The following GPHN variants were observed in gnomAD, a reference collection of about 807,000 sequenced individuals.
The protein encoded by GPHN is gephyrin.
In GPHN, 17 loss-of-function variants were observed where a neutral mutation model predicts 95.5. The observed-to-expected ratio is 0.18, with a 90% CI of 0.12 to 0.27. The LOEUF is 0.27. GPHN is among the 10% of genes least tolerant of loss of function. The pLI is 1.00. For synonymous variants in GPHN, 320 were observed against 322.5 expected, an observed-to-expected ratio of 0.99 and a Z score of 0.08; for missense variants, 660 against 978.1, an observed-to-expected ratio of 0.67 and a Z score of 4.34.
Position 66,795,386 on chromosome 14 carries a change from T to A in GPHN, c.201+18865T>A, listed in dbSNP as rs1318826822. ...TTTACTTCTTTCCTGAAACTTGTTTTGCACTCACTGTATTTAGACAGTTTT... is the reference window on the plus strand; with the variant it reads ...TTTACTTCTTTCCTGAAACTTGTTTAGCACTCACTGTATTTAGACAGTTTT... On this transcript the variant is annotated intron_variant, in intron 3 of 22. Transcript: ENST00000478722. Among the ~76,000 whole-genome samples, 4 of 152,288 alleles carry A rather than the reference T, an allele frequency of 2.6e-5. No homozygotes were observed. The East Asian group carries it at 7.7e-4, about 29-fold the overall frequency.
At chr14:67,655,928 A>G in the GPHN span, among the ~76,000 whole-genome samples, 2 of 152,136 alleles carry the variant, frequency 1.3e-5, no homozygotes. Flanking sequence ...TCTAAGGGAC[A>G]TCTCTCAGCC....
chr14:66,969,794 C>T (rs1470422685), intron 9 of GPHN: 2 of 146,834 alleles, frequency 1.4e-5, no homozygotes, highest in Non-Finnish European at 3.0e-5. Flanking sequence ...GAACAAAACT[C>T]TCTCTCCAGG....
chr14:67,452,730 C>T, the GPHN span, among the ~76,000 whole-genome samples: 1 of 152,196 alleles, frequency 6.6e-6, no homozygotes. Flanking sequence ...GTTAATTTCT[C>T]TCTCTGTGCC....
intron 16 of GPHN, among the ~76,000 whole-genome samples, chr14:67,114,609 G>A (rs565704646): frequency 1.3e-5 from 2 of 152,276 alleles, no homozygotes; most frequent in East Asian, 3.9e-4. Context: ...AGGATCACTT[G>A]AGCTCAAGAA....
intron 1 of GPHN, among the ~76,000 whole-genome samples, chr14:66,554,707 C>T (rs956764493): frequency 2.6e-5 from 4 of 152,194 alleles, no homozygotes; most frequent in East Asian, 1.9e-4. Flanking sequence ...TAAACCATAT[C>T]AGCTGTCAAT....
intron 4 of GPHN, among the ~76,000 whole-genome samples, chr14:66,868,577 A>G (rs2063316683): frequency 6.6e-6 from 1 of 152,108 alleles, no homozygotes; most frequent in African/African-American, 2.4e-5. Flanking sequence ...TATTTTTAGT[A>G]GAGACAGGGT....
intron 2 of GPHN, among the ~76,000 whole-genome samples, chr14:66,701,255 CTCT>C (rs2068526046): frequency 7.6e-6 from 1 of 130,816 alleles, no homozygotes; most frequent in South Asian, 2.4e-4. Context: ...GTGCATATTT[CTCT>C]TTTTTTTACA....
chr14:67,437,272 A>C, the GPHN span, among the ~76,000 whole-genome samples: 9 of 152,188 alleles, frequency 5.9e-5, no homozygotes, highest in Non-Finnish European at 1.5e-5. Flanking sequence ...GGAGGCAAAA[A>C]ATAAACAAGT....
chr14:66,576,904 A>G (rs1439518980), intron 1 of GPHN, among the ~76,000 whole-genome samples: 1 of 152,172 alleles, frequency 6.6e-6, no homozygotes, highest in Non-Finnish European at 1.5e-5. Context: ...ACATTATTCA[A>G]TTTGTTCCCC....
intron 16 of GPHN, among the ~76,000 whole-genome samples, chr14:67,114,582 G>A (rs904679619): frequency 6.6e-6 from 1 of 152,092 alleles, no homozygotes; most frequent in Admixed American, 6.5e-5. Context: ...CCTAGCTACT[G>A]AGGAGGCTGA....
intron 1 of GPHN, among the ~76,000 whole-genome samples, chr14:66,627,024 A>G (rs1191721946): frequency 3.3e-5 from 5 of 152,044 alleles, no homozygotes; most frequent in East Asian, 1.9e-4. Context: ...ATAATTGACT[A>G]TAGATCTTTT....
At chr14:67,595,032 GA>G in the GPHN span, among the ~76,000 whole-genome samples, 2 of 152,088 alleles carry the variant, frequency 1.3e-5, no homozygotes, top group Admixed American at 6.5e-5. Context: ...AGCTACTCGG[GA>G]GGCTGAGGCA....
chr14:67,331,112 TTGGTTCAC>T, the GPHN span, among the ~76,000 whole-genome samples: 1 of 152,202 alleles, frequency 6.6e-6, no homozygotes, highest in African/African-American at 2.4e-5. Flanking sequence ...TGGCACAATC[TTGGTTCAC>T]TGCAACCTCT....
chr14:66,626,793 A>G (rs1263943539), intron 1 of GPHN, among the ~76,000 whole-genome samples: 1 of 152,084 alleles, frequency 6.6e-6, no homozygotes, highest in Admixed American at 6.5e-5. Flanking sequence ...AATTTGAGGT[A>G]CTTGTAACTG....
At chr14:67,019,304 T>G (rs1315874728) in intron 9 of GPHN, among the ~76,000 whole-genome samples, 4 of 152,212 alleles carry the variant, frequency 2.6e-5, no homozygotes, top group Non-Finnish European at 5.9e-5. Flanking sequence ...AAACAGAAAC[T>G]TAATTTCTAA....
At chr14:67,557,526 C>A in the GPHN span, 6 of 980,346 alleles carry the variant, frequency 6.1e-6, no homozygotes, top group Non-Finnish European at 9.1e-6. Context: ...GGGGAACTCG[C>A]TCCCTCCTGA....
the GPHN span, among the ~76,000 whole-genome samples, chr14:67,263,665 C>T: frequency 4.6e-5 from 7 of 152,116 alleles, no homozygotes; most frequent in Non-Finnish European, 2.9e-5. Flanking sequence ...TTTCTGACCT[C>T]GAAAAACAAC....
At chr14:66,557,254 TA>T (rs1191126304) in intron 1 of GPHN, among the ~76,000 whole-genome samples, 3 of 150,046 alleles carry the variant, frequency 2.0e-5, no homozygotes, top group Non-Finnish European at 4.4e-5. Context: ...GATAGATAGA[TA>T]GATAGATAGA....
chr14:67,464,788 TTC>T, the GPHN span, among the ~76,000 whole-genome samples: 7 of 152,226 alleles, frequency 4.6e-5, no homozygotes, highest in African/African-American at 1.7e-4. Context: ...GCAAGTTCTG[TTC>T]TCTGTGTGTT....
Sources: gnomAD v4.1 joint callset for allele counts (sites outside exome capture counted in the v4.1 genomes callset) on GRCh38, gnomAD v4.1.1 for gene constraint, MANE v1.5 for transcripts, NCBI Gene and HGNC (gene_info 2026-07-23, HGNC 2026-07-21) for gene names.